Variants in FAM227A observed in about 807,000 individuals in gnomAD.
The protein encoded by FAM227A is protein FAM227A.
In FAM227A, 80 loss-of-function variants were observed where a neutral mutation model predicts 74.7. The observed-to-expected ratio is 1.07, with a 90% confidence interval of 0.89 to 1.29. The LOEUF is 1.29. Ranked by LOEUF, FAM227A falls within the 50% of genes most tolerant of loss-of-function variation. FAM227A has a pLI of 0.00. For missense variants in FAM227A, 654 were observed against 683.4 expected, an observed-to-expected ratio of 0.96 and a Z score of 0.48; for synonymous variants, 237 against 241.8, an observed-to-expected ratio of 0.98 and a Z score of 0.19.
intron 3 of FAM227A, among the ~76,000 whole-genome samples, chr22:38,644,630 G>T (rs1385962979): frequency 6.6e-6 from 1 of 151,938 alleles, no homozygotes; most frequent in Non-Finnish European, 1.5e-5. Context: ...TCTGAATGTC[G>T]AGTGATGATG....
chr22:38,641,974 T>TGTGCGCGCGCGTGTGTGTGC (rs1555973176), intron 3 of FAM227A, among the ~76,000 whole-genome samples: 2 of 146,012 alleles, frequency 1.4e-5, no homozygotes, highest in African/African-American at 2.8e-5. Flanking sequence ...TGTGTGTGTG[T>TGTGCGCGCGCGTGTGTGTGC]GCGCACGTGT....
chr22:38,630,605 AG>A (rs2091897502), intron 6 of FAM227A, among the ~76,000 whole-genome samples: 1 of 152,216 alleles, frequency 6.6e-6, no homozygotes, highest in South Asian at 2.1e-4. Flanking sequence ...AACACTTGAC[AG>A]GAGTATACTA....
Position 38,645,631 on chromosome 22 carries a change from A to T in FAM227A, c.157T>A (p.Ser53Thr). The T allele has an allele frequency of 6.4e-7, 1 of 1,551,002 alleles. No individual in the cohort carries two copies. The highest frequency in any genetic ancestry group is 8.7e-7 in the Non-Finnish European group (1 of 1,146,624). ...ATCTTTTGGTTCACCTGGTGCATGG[A>T]GCCAATAAGGCATGCTGGGAGGTTA... ...ENNPPSCLIG[S>T]MHQVNQKIAD... Residue 53 changes from serine (S) to threonine (T), a missense_variant, in exon 3 of 17, where the codon TCC (serine) becomes ACC (threonine). Physicochemically the swap from Ser to Thr is moderately conservative, Grantham distance 58. Transcript: ENST00000535113.
At chr22:38,629,074 A>G (rs890922396) in intron 6 of FAM227A, 139 bp from the exon 7 acceptor site, 2 of 598,808 alleles carry the variant, frequency 3.3e-6, no homozygotes, top group South Asian at 4.2e-5. Flanking sequence ...ACATACTCTC[A>G]TTTAACCCCT....
intron 6 of FAM227A, among the ~76,000 whole-genome samples, chr22:38,634,422 T>G (rs2091966798): frequency 6.6e-6 from 1 of 152,198 alleles, no homozygotes; most frequent in Non-Finnish European, 1.5e-5. Context: ...ACCATTAAAC[T>G]GTTTCTAATA....
At chr22:38,647,128 G>A (rs1289149236) in intron 2 of FAM227A, among the ~76,000 whole-genome samples, 4 of 149,950 alleles carry the variant, frequency 2.7e-5, no homozygotes, top group East Asian at 2.0e-4. Context: ...CAGCCCGTGC[G>A]ATGGTGCGAG....
chr22:38,642,769 C>T (rs2092144036), intron 3 of FAM227A, among the ~76,000 whole-genome samples: 1 of 151,694 alleles, frequency 6.6e-6, no homozygotes, highest in Non-Finnish European at 1.5e-5. Context: ...AACCCTGTCT[C>T]TACTAAAAAT....
chr22:38,594,900 C>T (rs1414357754), intron 15 of FAM227A, among the ~76,000 whole-genome samples: 2 of 152,094 alleles, frequency 1.3e-5, no homozygotes, highest in Non-Finnish European at 2.9e-5. Flanking sequence ...GGATCGAGAC[C>T]ATCCTGGCTA....
chr22:38,631,526 C>T (rs1449982856), intron 6 of FAM227A, among the ~76,000 whole-genome samples: 1 of 151,974 alleles, frequency 6.6e-6, no homozygotes, highest in East Asian at 1.9e-4. Context: ...CAGGTACCCT[C>T]GAGTCAAAAA....
rs192591482 is a variant in FAM227A at position 38,639,675 on chromosome 22, C to A, written c.275G>T (p.Arg92Leu). 1.9e-6 allele frequency: 3 copies of A among 1,551,898 alleles called. No individual in the cohort carries two copies. Among genetic ancestry groups the A allele is most frequent in the South Asian group, 1.2e-5 (1 of 84,052 alleles). ...LEKKALREKT[R>L]SSPEDKVKRQ... ...TTTGCCTTTGTCTTCTGGACTGCTG[C>A]GAGTTTTCTCTCTTAAAGCCTTCTT... Residue 92 changes from arginine to leucine, a missense_variant, in exon 4 of 17, where the codon CGC (arginine) becomes CTC (leucine). By Grantham distance (102) the Arg-to-Leu change is moderately radical. Transcript: ENST00000535113.
At chr22:38,627,194 C>A (rs1388486559) in intron 8 of FAM227A, among the ~76,000 whole-genome samples, 3 of 151,422 alleles carry the variant, frequency 2.0e-5, no homozygotes, top group Non-Finnish European at 2.9e-5. Flanking sequence ...ACATATATAC[C>A]TATATAAAAA....
Position 38,650,183 on chromosome 22 carries a change from T to C in FAM227A, c.-15A>G. 3 of 1,550,642 alleles carry C rather than the reference T, an allele frequency of 1.9e-6. No individual in the cohort carries two copies. Among genetic ancestry groups the C allele is most frequent in the Non-Finnish European group, 2.6e-6 (3 of 1,146,490 alleles). The stretch of plus-strand genomic sequence containing the variant: ...AAGTGATTCATTGTCCAATTTCTTG[T>C]AAATGGACAAACAAAAAGCTTCCAC... On this transcript the variant is annotated 5_prime_UTR_variant, in exon 2 of 17. Coordinates refer to ENST00000535113, the MANE Select transcript of FAM227A (RefSeq NM_001013647.2).
In FAM227A at chr22:38,581,175, CCT is replaced by C. The variant is rs1469718142; in HGVS notation, c.*4948_*4949del. The C allele has an allele frequency of 6.6e-6, 1 of 152,154 alleles. No individual in the cohort carries two copies. The highest frequency in any genetic ancestry group is 2.4e-5 in the African/African-American group (1 of 41,430). 9.4% of individuals were successfully genotyped at this position (152,154 alleles called of 1,614,324 possible). ...CAATTATTATTAATGCCCAAATGGTCCTCTCTTTTAGCTAATGGGATTGTCTC... is the reference window on the plus strand; with the variant it reads ...CAATTATTATTAATGCCCAAATGGTCCTCTTTTAGCTAATGGGATTGTCTC... On this transcript the variant is annotated 3_prime_UTR_variant, in exon 17 of 17. Transcript: ENST00000535113.
In FAM227A at chr22:38,597,419, G is replaced by A. The variant is rs1037438561; in HGVS notation, c.1380-63C>T. ...ACTGTGTTGACGCTGCATTATTAGT[G>A]GCATGAGCGCAGTGCATGGGGAAGA... On this transcript the variant is annotated intron_variant, in intron 14 of 16. Transcript: ENST00000535113. The A allele has an allele frequency of 2.7e-6, 4 of 1,496,844 alleles. No individual in the cohort carries two copies. The African/African-American group carries it at 5.6e-5, about 21-fold the overall frequency. The allele number at this position is 1,496,844 out of a possible 1,614,324, so 92.7% of individuals were successfully genotyped here. A position where few individuals can be genotyped will look rare whatever the true frequency, so the allele number is the denominator to read the frequency against.
intron 1 of FAM227A, among the ~76,000 whole-genome samples, chr22:38,653,463 G>A (rs978841485): frequency 6.1e-5 from 9 of 148,668 alleles, no homozygotes; most frequent in East Asian, 4.0e-4. Context: ...TGCAAACTCC[G>A]CCTCCTGGGT....
chr22:38,582,546 C>A lies in FAM227A; in HGVS notation c.*3579G>T. The A allele has an allele frequency of 1.0e-6, 1 of 999,520 alleles. No homozygotes were observed. The highest frequency in any genetic ancestry group is 2.6e-5 in the East Asian group (1 of 38,324). 61.9% of individuals were successfully genotyped at this position (999,520 alleles called of 1,614,324 possible). A position where few individuals can be genotyped will look rare whatever the true frequency, so the allele number is the denominator to read the frequency against. ...CAAATAATTCTTCCCCATAATTTTC[C>A]CTTCTAATGTTTACAAAGGGCAGAG... On this transcript the variant is annotated 3_prime_UTR_variant, in exon 17 of 17. Transcript: ENST00000535113.
intron 6 of FAM227A, among the ~76,000 whole-genome samples, chr22:38,632,868 C>T (rs935305314): frequency 2.6e-5 from 4 of 152,162 alleles, no homozygotes; most frequent in African/African-American, 9.7e-5. Flanking sequence ...ATGATTGACT[C>T]GGGACACTTT....
chr22:38,582,787 C>A lies in FAM227A; in HGVS notation c.*3338G>T. The A allele has an allele frequency of 3.3e-6, 5 of 1,537,438 alleles. No homozygotes were observed. The South Asian group carries it at 3.6e-5, about 11-fold the overall frequency. Reference sequence around the variant, plus strand: ...TAGGTAGACAGGCAATTCCAATCTACTATGGTAACTGCTGCCATAATGGGA... The same window carrying A: ...TAGGTAGACAGGCAATTCCAATCTAATATGGTAACTGCTGCCATAATGGGA... On this transcript the variant is annotated 3_prime_UTR_variant, in exon 17 of 17. Coordinates refer to ENST00000535113, the MANE Select transcript of FAM227A (RefSeq NM_001013647.2).
Position 38,628,937 on chromosome 22 carries a change from T to A in FAM227A, c.520-2A>T. 6.8e-7 allele frequency: 1 copy of A among 1,472,940 alleles called. No homozygotes were observed. 91.2% of individuals were successfully genotyped at this position (1,472,940 alleles called of 1,614,324 possible). A position where few individuals can be genotyped will look rare whatever the true frequency, so the allele number is the denominator to read the frequency against. On this transcript the variant is annotated splice_acceptor_variant, in intron 6 of 16. Transcript: ENST00000535113. LOFTEE classifies it high-confidence loss of function. The stretch of plus-strand genomic sequence containing the variant: ...TAATTCTCTACCTGAACAGAAATGC[T>A]TGGAAAAAAAAATTCACAGTATTAT...
Sources: gnomAD v4.1 joint callset for allele counts (sites outside exome capture counted in the v4.1 genomes callset) on GRCh38, gnomAD v4.1.1 for gene constraint, MANE v1.5 for transcripts, NCBI Gene and HGNC (gene_info 2026-07-23, HGNC 2026-07-21) for gene names.